TRIM5: variants seen among roughly 807,000 people sequenced by gnomAD.
The protein encoded by TRIM5 is tripartite motif containing 5.
Under a neutral mutation model 35.6 loss-of-function variants are expected in TRIM5, and 31 were observed. The ratio of observed to expected loss-of-function variants is 0.87; its 90% CI spans 0.65 to 1.18. The LOEUF is 1.18. Among genes scored for constraint, TRIM5 ranks in the 50% most tolerant of loss-of-function variants. The pLI, the probability that TRIM5 is intolerant of heterozygous loss-of-function variation, is 0.00. For missense variants in TRIM5, 609 were observed against 591.6 expected (o/e 1.03, Z -0.31); for synonymous variants, 243 against 215.6 (o/e 1.13, Z -1.11).
Position 5,679,962 on chromosome 11 carries a change from AT to A in TRIM5, c.215del (p.His72LeufsTer2). The stretch of plus-strand genomic sequence containing the variant: ...TGAGCTTCTCCACTATGTTGGCTAC[AT>A]GCCGATTAGGCCGTATGTTCTCAGG... ...YQPENIRPNR[H>X]VANIVEKLRE... On this transcript the variant is annotated frameshift_variant, in exon 2 of 8. Coordinates refer to ENST00000380034, the MANE Select transcript of TRIM5 (RefSeq NM_033034.3). LOFTEE classifies it high-confidence loss of function. The A allele has an allele frequency of 6.2e-7, 1 of 1,614,102 alleles. No individual in the cohort carries two copies. Among genetic ancestry groups the A allele is most frequent in the Non-Finnish European group, 8.5e-7 (1 of 1,180,010 alleles).
At chr11:5,614,214 T>C in the TRIM5 span, among the ~76,000 whole-genome samples, 1 of 152,216 alleles carries the variant, frequency 6.6e-6, no homozygotes, top group Non-Finnish European at 1.5e-5. Context: ...TTCTTGTTAA[T>C]GTAAAACAAT....
In TRIM5 at chr11:5,665,387, T is replaced by A; in HGVS notation, c.904A>T (p.Thr302Ser). 2 of 1,605,026 alleles carry A rather than the reference T, an allele frequency of 1.2e-6. No individual in the cohort carries two copies. Among genetic ancestry groups the A allele is most frequent in the East Asian group, 2.2e-5 (1 of 44,810 alleles). The change falls in exon 8 of 8, where the codon ACA becomes TCA. Residue 302 changes from threonine to serine, a missense_variant. Thr to Ser is a moderately conservative substitution (Grantham distance 58). Coordinates refer to ENST00000380034, the MANE Select transcript of TRIM5 (RefSeq NM_033034.3). ...CATGAAATGTTGTTTGGAGCCACTG[T>A]CACATCAACTGTAGAAAAATTAACA... ...TDVRRYWVDV[T>S]VAPNNISCAV... is the part of the protein sequence containing the mutation.
chr11:5,613,731 C>T, the TRIM5 span, among the ~76,000 whole-genome samples: 1 of 152,050 alleles, frequency 6.6e-6, no homozygotes, highest in African/African-American at 2.4e-5. Context: ...AGTGAATTTA[C>T]TTTATAAGTA....
chr11:5,598,489 C>T, the TRIM5 span, among the ~76,000 whole-genome samples: 1 of 151,690 alleles, frequency 6.6e-6, no homozygotes, highest in Non-Finnish European at 1.5e-5. Flanking sequence ...TGTAATGTTA[C>T]ATACTCAAGT....
chr11:5,678,095 G>A (rs146712155), intron 4 of TRIM5, 109 bp downstream of exon 4: 28 of 836,812 alleles, frequency 3.3e-5, no homozygotes, highest in East Asian at 1.2e-4. Flanking sequence ...TCAGAAAAGC[G>A]GTCCTGCAGA....
At chr11:5,632,223 A>G in the TRIM5 span, 98 of 1,547,600 alleles carry the variant, frequency 6.3e-5, no homozygotes, top group Non-Finnish European at 8.4e-5. Flanking sequence ...TATTTGTACC[A>G]TTCTTATACC....
chr11:5,634,520 CACACACACACAT>C, the TRIM5 span: 26 of 636,180 alleles, frequency 4.1e-5, no homozygotes, highest in South Asian at 6.9e-5. Context: ...CACACACACA[CACACACACACAT>C]ATATATATAT....
At chr11:5,603,449 C>T in the TRIM5 span, 1 of 1,614,024 alleles carries the variant, frequency 6.2e-7, no homozygotes. Context: ...GGCAGGGAAT[C>T]AGTGATTGGT....
chr11:5,629,284 A>T, the TRIM5 span, among the ~76,000 whole-genome samples: 1 of 152,168 alleles, frequency 6.6e-6, no homozygotes, highest in African/African-American at 2.4e-5. Flanking sequence ...CTCAAAAAAA[A>T]ACAAAAACTA....
chr11:5,678,381 T>C lies in TRIM5; in HGVS notation c.567A>G (p.Arg189=), dbSNP rs753792632. The C allele has an allele frequency of 6.2e-7, 1 of 1,601,764 alleles. No individual in the cohort carries two copies. Among genetic ancestry groups the C allele is most frequent in the East Asian group, 2.2e-5 (1 of 44,564 alleles). The part of the protein sequence containing the change: ...TNVLADFEQL[R]DILDWEESNE... ...TGCTCTCCTCCCAGTCCAGGATGTC[T>C]CTCAGTTGCTCAAAATCTGCCAAGA... Residue 189 remains arginine, a synonymous_variant, in exon 4 of 8, where the codon AGA becomes AGG. Coordinates refer to ENST00000380034, the MANE Select transcript of TRIM5 (RefSeq NM_033034.3).
chr11:5,658,766 G>A (rs1040512620), downstream of TRIM5, among the ~76,000 whole-genome samples: 12 of 152,298 alleles, frequency 7.9e-5, no homozygotes, highest in East Asian at 2.3e-3. Context: ...CACATACCCA[G>A]TAATGGGATC....
At chr11:5,605,838 G>A in the TRIM5 span, among the ~76,000 whole-genome samples, 3 of 152,220 alleles carry the variant, frequency 2.0e-5, no homozygotes, top group African/African-American at 7.2e-5. Flanking sequence ...GTTGTATCCA[G>A]TGATGTTGTT....
At chr11:5,678,459 G>C in intron 3 of TRIM5, 25 bp from the exon 4 acceptor site, 2 of 1,481,944 alleles carry the variant, frequency 1.3e-6, no homozygotes, top group South Asian at 1.4e-5. Flanking sequence ...GAAGAGAAAG[G>C]GGCACTCAGT....
At chr11:5,667,806 G>C in intron 4 of TRIM5, 95 bp from the exon 5 acceptor site, 1 of 1,355,476 alleles carries the variant, frequency 7.4e-7, no homozygotes. Flanking sequence ...AATGTGCTGA[G>C]AATGGAGATG....
Position 5,665,978 on chromosome 11 carries a change from C to A in TRIM5, c.868+3G>T. 1 of 1,603,926 alleles carries A rather than the reference C, an allele frequency of 6.2e-7. No homozygotes were observed. Among genetic ancestry groups the A allele is most frequent in the South Asian group, 1.1e-5 (1 of 88,986 alleles). On this transcript the variant is annotated splice_donor_region_variant and intron_variant, in intron 6 of 7. Transcript: ENST00000380034. Reference sequence around the variant, plus strand: ...ACCCTGTTGTTGATCTAGCTCTCCTCACCTCTAAACACTTCTAGCATTCCT... The same window carrying A: ...ACCCTGTTGTTGATCTAGCTCTCCTAACCTCTAAACACTTCTAGCATTCCT...
the TRIM5 span, among the ~76,000 whole-genome samples, chr11:5,591,312 G>A: frequency 6.6e-6 from 1 of 152,176 alleles, no homozygotes; most frequent in Non-Finnish European, 1.5e-5. Flanking sequence ...GGCACCTTTT[G>A]AGAAAAGCAA....
the TRIM5 span, among the ~76,000 whole-genome samples, chr11:5,635,375 A>C: frequency 2.9e-3 from 439 of 151,018 alleles, 1 homozygote; most frequent in Middle Eastern, 0.01. Flanking sequence ...CCTGCCCAGC[A>C]TCCCGAGTAG....
At chr11:5,606,638 T>A in the TRIM5 span, among the ~76,000 whole-genome samples, 1 of 152,210 alleles carries the variant, frequency 6.6e-6, no homozygotes, top group African/African-American at 2.4e-5. Context: ...CTTGCCTTTT[T>A]GTCCTCATCA....
chr11:5,678,746 A>G (rs1026394169), intron 3 of TRIM5, among the ~76,000 whole-genome samples: 2 of 152,210 alleles, frequency 1.3e-5, no homozygotes, highest in African/African-American at 4.8e-5. Context: ...ACTCCCTGCC[A>G]AAAGTTGAAC....
Sources: allele counts gnomAD v4.1 joint callset (sites outside exome capture counted in the v4.1 genomes callset), GRCh38; gene constraint gnomAD v4.1.1; transcripts MANE v1.5; gene names NCBI Gene and HGNC (gene_info 2026-07-23, HGNC 2026-07-21).